Variants in LITAF observed in about 807,000 individuals in gnomAD.
LITAF encodes the protein lipopolysaccharide-induced tumor necrosis factor-alpha factor.
Under a neutral mutation model 14.5 loss-of-function variants are expected in LITAF, and 9 were observed. The observed-to-expected ratio is 0.62, with a 90% CI of 0.37 to 1.08. LITAF has a LOEUF of 1.08. Among genes scored for constraint, LITAF ranks in the 50% least tolerant of loss-of-function variants. The pLI is 0.01. For missense variants in LITAF, 206 were observed against 213.4 expected, an observed-to-expected ratio of 0.97 and a Z score of 0.22; for synonymous variants, 98 against 88.2, an observed-to-expected ratio of 1.11 and a Z score of -0.62.
chr16:11,598,425 C>T (rs940818662), exon 1 of LITAF: 1 of 152,102 alleles, frequency 6.6e-6, no homozygotes, highest in Non-Finnish European at 1.5e-5. Flanking sequence ...GAAATTTGAA[C>T]CTCCATATCA....
rs2064812098 is a variant in LITAF, at chr16:11,586,735, C to G, written c.-6+151G>C. On this transcript the variant is annotated intron_variant, in intron 1 of 3. Coordinates refer to ENST00000622633, the MANE Select transcript of LITAF (RefSeq NM_001136472.2). The surrounding 1 kb of genome is among the most constrained non-coding windows in gnomAD (Gnocchi z 6.5). The stretch of plus-strand genomic sequence containing the variant: ...GGCCCCCACGCCCTCCGCCGCGCCT[C>G]GATGCCCGCGACCCGACCCGCGCCC... 6.6e-6 allele frequency among the ~76,000 whole-genome samples: 1 copy of G among 151,454 alleles called. No homozygotes were observed. Among genetic ancestry groups the G allele is most frequent in the Non-Finnish European group, 1.5e-5 (1 of 67,780 alleles).
At chr16:11,582,501 C>A (rs372753098) in intron 1 of LITAF, among the ~76,000 whole-genome samples, 1 of 152,154 alleles carries the variant, frequency 6.6e-6, no homozygotes, top group South Asian at 2.1e-4. Flanking sequence ...CCAACTTAAT[C>A]CTCGAAGATC....
Position 11,553,337 on chromosome 16 carries a change from A to G in LITAF, c.377+196T>C, listed in dbSNP as rs1028663788. On this transcript the variant is annotated intron_variant, in intron 3 of 3. Coordinates refer to ENST00000622633, the MANE Select transcript of LITAF (RefSeq NM_001136472.2). This position sits in a 1 kb window ranked among gnomAD's most constrained non-coding sequence, Gnocchi z 7.7. Reference sequence around the variant, plus strand: ...AAGGCAGGAGAATCGTTTGAACCTGAGCAGTGGGGGTTACAGTGAGCCGAG... The same window carrying G: ...AAGGCAGGAGAATCGTTTGAACCTGGGCAGTGGGGGTTACAGTGAGCCGAG... The G allele has an allele frequency of 1.2e-5, 7 of 607,556 alleles. No individual in the cohort carries two copies. Among genetic ancestry groups the G allele is most frequent in the Admixed American group, 2.6e-5 (1 of 38,650 alleles). The allele number at this position is 607,556 out of a possible 1,614,324, so 37.6% of individuals were successfully genotyped here. A position where few individuals can be genotyped will look rare whatever the true frequency, so the allele number is the denominator to read the frequency against.
intron 1 of LITAF, chr16:11,584,167 C>G (rs2064776392): frequency 6.6e-6 from 1 of 152,218 alleles, no homozygotes; most frequent in South Asian, 2.1e-4. Context: ...TAAAGAAACA[C>G]AGAACTAAGG....
intron 2 of LITAF, among the ~76,000 whole-genome samples, chr16:11,554,502 G>A (rs1308016494): frequency 1.3e-5 from 2 of 152,024 alleles, no homozygotes; most frequent in Non-Finnish European, 2.9e-5. Flanking sequence ...GAGAATCCAG[G>A]CCGGGCACGG....
intron 1 of LITAF, among the ~76,000 whole-genome samples, chr16:11,573,840 T>A (rs1222359048): frequency 6.6e-6 from 1 of 151,298 alleles, no homozygotes; most frequent in Non-Finnish European, 1.5e-5. Flanking sequence ...TAGCTGGGAT[T>A]ACAGGCGCCC....
intron 1 of LITAF, among the ~76,000 whole-genome samples, chr16:11,557,397 T>G (rs924858318): frequency 6.6e-6 from 1 of 152,184 alleles, no homozygotes; most frequent in Non-Finnish European, 1.5e-5. Context: ...TGTAAAAATC[T>G]CAGTTGTACA....
chr16:11,583,361 C>T (rs2064767151), intron 1 of LITAF, among the ~76,000 whole-genome samples: 1 of 152,184 alleles, frequency 6.6e-6, no homozygotes, highest in Non-Finnish European at 1.5e-5. Flanking sequence ...TCAGAGTGGG[C>T]AGTTTTCCTC....
At chr16:11,611,829 GT>G (rs1000165627) in intron 3 of LITAF, among the ~76,000 whole-genome samples, 3 of 151,820 alleles carry the variant, frequency 2.0e-5, no homozygotes, top group African/African-American at 7.3e-5. Flanking sequence ...TGCCTGGATA[GT>G]TTTTTTGTAT....
At chr16:11,595,575 A>G (rs1442480388) in intron 1 of LITAF, among the ~76,000 whole-genome samples, 1 of 152,106 alleles carries the variant, frequency 6.6e-6, no homozygotes, top group Admixed American at 6.6e-5. Flanking sequence ...TAAAAATACA[A>G]AAAATTAGCC....
upstream of LITAF, chr16:11,587,525 C>G (rs2064821335): frequency 2.3e-6 from 1 of 441,932 alleles, no homozygotes; most frequent in Middle Eastern, 7.2e-4. Flanking sequence ...CTCCTAAGAC[C>G]GACTGGGAGT....
chr16:11,596,403 C>T (rs533801177), intron 1 of LITAF, among the ~76,000 whole-genome samples: 1 of 140,066 alleles, frequency 7.1e-6, no homozygotes, highest in South Asian at 2.3e-4. Context: ...TTTAACAAAA[C>T]ATACCCAGGT....
At chr16:11,623,830 G>A (rs1237940448) in intron 3 of LITAF, among the ~76,000 whole-genome samples, 1 of 151,814 alleles carries the variant, frequency 6.6e-6, no homozygotes, top group Non-Finnish European at 1.5e-5. Flanking sequence ...ACCTGGGCAT[G>A]GTGGCAGGCG....
exon 2 of LITAF, chr16:11,635,842 G>C (rs2065135964): frequency 6.6e-6 from 1 of 152,240 alleles, no homozygotes; most frequent in African/African-American, 2.4e-5. Flanking sequence ...ACTCCTCGAA[G>C]ACCTGTGTCG....
At chr16:11,607,813 T>C (rs2064962453) in intron 3 of LITAF, among the ~76,000 whole-genome samples, 1 of 152,168 alleles carries the variant, frequency 6.6e-6, no homozygotes, top group African/African-American at 2.4e-5. Context: ...CGCTTGCCTG[T>C]GCATCATGGA....
At chr16:11,576,620 C>T (rs2064640906) in intron 1 of LITAF, among the ~76,000 whole-genome samples, 1 of 146,636 alleles carries the variant, frequency 6.8e-6, no homozygotes, top group African/African-American at 2.5e-5. Context: ...TGTGGTTCTA[C>T]ACGGTCCCAG....
intron 3 of LITAF, among the ~76,000 whole-genome samples, chr16:11,606,917 G>C (rs769146044): frequency 2.0e-5 from 3 of 152,176 alleles, no homozygotes; most frequent in Non-Finnish European, 4.4e-5. Context: ...GGGATTACAA[G>C]CGTGAGCCAC....
intron 1 of LITAF, among the ~76,000 whole-genome samples, chr16:11,560,655 C>A (rs1453128781): frequency 6.6e-6 from 1 of 151,808 alleles, no homozygotes; most frequent in Non-Finnish European, 1.5e-5. Flanking sequence ...TCCTAATATA[C>A]AGCAAAGCTG....
At chr16:11,575,924 AG>A (rs1168209336) in intron 1 of LITAF, among the ~76,000 whole-genome samples, 3 of 152,218 alleles carry the variant, frequency 2.0e-5, no homozygotes, top group African/African-American at 7.2e-5. Context: ...TGTGTTGCCA[AG>A]GCTGCAGTGC....
Sources: gnomAD v4.1 joint callset for allele counts (sites outside exome capture counted in the v4.1 genomes callset) on GRCh38, gnomAD v4.1.1 for gene constraint, Gnocchi (gnomAD v3.1) non-coding constraint, MANE v1.5 for transcripts, NCBI Gene and HGNC (gene_info 2026-07-23, HGNC 2026-07-21) for gene names.